Variants in EPHA3 observed in about 807,000 individuals in gnomAD.
The protein encoded by EPHA3 is ephrin type-A receptor 3.
Under a neutral mutation model 107.1 loss-of-function variants are expected in EPHA3, and 42 were observed. The observed-to-expected ratio is 0.39, with a 90% CI of 0.31 to 0.51. EPHA3 has a LOEUF of 0.51. Among genes scored for constraint, EPHA3 ranks in the 20% least tolerant of loss-of-function variants. The pLI, the probability that EPHA3 is intolerant of heterozygous loss-of-function variation, is 0.78. For synonymous variants in EPHA3, 461 were observed against 424.8 expected (o/e 1.09, Z -1.05); for missense variants, 1,183 against 1,211.2 (o/e 0.98, Z 0.35).
intron 3 of EPHA3, among the ~76,000 whole-genome samples, chr3:89,220,280 C>T (rs1279947143): frequency 1.3e-5 from 2 of 152,168 alleles, no homozygotes; most frequent in Non-Finnish European, 2.9e-5. Context: ...TGTGATTGTG[C>T]TTCAGGACAC....
At chr3:89,304,147 A>G (rs1706555866) in intron 3 of EPHA3, among the ~76,000 whole-genome samples, 1 of 151,694 alleles carries the variant, frequency 6.6e-6, no homozygotes, top group Admixed American at 6.6e-5. Context: ...GAATCTTTGG[A>G]ACCAACTGTG....
At chr3:89,186,681 C>A (rs1431585558) in intron 2 of EPHA3, among the ~76,000 whole-genome samples, 1 of 152,084 alleles carries the variant, frequency 6.6e-6, no homozygotes, top group East Asian at 1.9e-4. Flanking sequence ...TTGAATACAG[C>A]CAGCTGGTGC....
At chr3:89,436,820 C>A (rs534257863) in intron 13 of EPHA3, among the ~76,000 whole-genome samples, 157 of 152,096 alleles carry the variant, frequency 1.0e-3, no homozygotes, top group Non-Finnish European at 1.9e-3. Flanking sequence ...CGACAGCATG[C>A]CGGATATGAA....
At chr3:89,285,018 CAG>C (rs1242813378) in intron 3 of EPHA3, among the ~76,000 whole-genome samples, 1 of 151,980 alleles carries the variant, frequency 6.6e-6, no homozygotes, top group Non-Finnish European at 1.5e-5. Flanking sequence ...CCTGGCTACT[CAG>C]GGGCTGAGGC....
rs1191920853 is a variant in EPHA3, at chr3:89,219,688, GTTTTTTTTTTTTTTGTTTTT to G, written c.814+9170_814+9189del. 5.8e-5 allele frequency among the ~76,000 whole-genome samples: 2 copies of G among 34,440 alleles called. 1 individual carries two copies. The highest frequency in any genetic ancestry group is 1.0e-4 in the Non-Finnish European group (2 of 19,128). The allele number at this position is 34,440 out of a possible 152,430, so 22.6% of individuals were successfully genotyped here. ...TTACCTCCAAGAGGCATTTGGCAAT[GTTTTTTTTTTTTTTGTTTTT>G]TGTTTTTTTTTTTTTTTTGAGACGG... On this transcript the variant is annotated intron_variant, in intron 3 of 16. Transcript: ENST00000336596.
At chr3:89,116,361 T>A (rs1465861152) in intron 1 of EPHA3, among the ~76,000 whole-genome samples, 1 of 152,122 alleles carries the variant, frequency 6.6e-6, no homozygotes, top group African/African-American at 2.4e-5. Flanking sequence ...AAATAGAACA[T>A]GGTCCAAAAA....
At chr3:89,189,926 A>G (rs1172630616) in intron 2 of EPHA3, among the ~76,000 whole-genome samples, 2 of 152,158 alleles carry the variant, frequency 1.3e-5, no homozygotes, top group African/African-American at 4.8e-5. Context: ...AATACTGGAA[A>G]ACAAATTTTA....
intron 3 of EPHA3, among the ~76,000 whole-genome samples, chr3:89,253,542 T>C (rs1309022716): frequency 6.6e-6 from 1 of 152,192 alleles, no homozygotes; most frequent in Non-Finnish European, 1.5e-5. Flanking sequence ...TATATGCATA[T>C]ATTTATTAGA....
chr3:89,477,384 G>C (rs537597590), intron 16 of EPHA3, among the ~76,000 whole-genome samples: 3 of 152,152 alleles, frequency 2.0e-5, no homozygotes, highest in African/African-American at 7.2e-5. Context: ...AGGTCATCAG[G>C]AACCTTCTCA....
At chr3:89,335,908 T>C (rs1017956194) in intron 3 of EPHA3, among the ~76,000 whole-genome samples, 3 of 152,218 alleles carry the variant, frequency 2.0e-5, no homozygotes, top group Admixed American at 1.3e-4. Context: ...TAAATCAGAA[T>C]TGTGTCATTT....
At chr3:89,138,367 T>G (rs992720624) in intron 2 of EPHA3, among the ~76,000 whole-genome samples, 4 of 151,908 alleles carry the variant, frequency 2.6e-5, no homozygotes, top group African/African-American at 9.7e-5. Flanking sequence ...GTACAGTATT[T>G]ATATATCTGG....
intron 3 of EPHA3, among the ~76,000 whole-genome samples, chr3:89,310,149 T>C (rs1706729242): frequency 1.3e-5 from 2 of 152,242 alleles, no homozygotes; most frequent in South Asian, 4.1e-4. Flanking sequence ...AGCTGGTACC[T>C]GTATAGCCCT....
At chr3:89,123,231 G>A (rs1202313944) in intron 1 of EPHA3, among the ~76,000 whole-genome samples, 2 of 152,104 alleles carry the variant, frequency 1.3e-5, no homozygotes, top group Non-Finnish European at 2.9e-5. Flanking sequence ...TGCAACCTGC[G>A]CCTCCGGGTT....
chr3:89,395,809 A>T, intron 5 of EPHA3, 28 bp from the exon 6 acceptor site: 1 of 1,611,580 alleles, frequency 6.2e-7, no homozygotes, highest in Non-Finnish European at 8.5e-7. Context: ...GCTTCCTTCC[A>T]CCTTCCCCTC....
At chr3:89,269,889 A>G (rs933110690) in intron 3 of EPHA3, among the ~76,000 whole-genome samples, 59 of 151,690 alleles carry the variant, frequency 3.9e-4, no homozygotes, top group African/African-American at 1.3e-3. Context: ...TCTGAGAACT[A>G]CTAGTTCAGA....
chr3:89,427,032 G>A (rs1709470805), intron 11 of EPHA3, among the ~76,000 whole-genome samples: 1 of 151,592 alleles, frequency 6.6e-6, no homozygotes, highest in Non-Finnish European at 1.5e-5. Flanking sequence ...AAGTTTAGTT[G>A]GAATTTTGAT....
chr3:89,191,308 ATTTTTTT>A (rs1705711331), intron 2 of EPHA3, among the ~76,000 whole-genome samples: 1 of 150,436 alleles, frequency 6.6e-6, no homozygotes, highest in East Asian at 1.9e-4. Flanking sequence ...AATTTTTTTT[ATTTTTTT>A]ATTTTTTTTG....
At chr3:89,342,337 AT>A (rs1433939463) in intron 5 of EPHA3, among the ~76,000 whole-genome samples, 1 of 152,118 alleles carries the variant, frequency 6.6e-6, no homozygotes, top group East Asian at 1.9e-4. Context: ...ATCCTTAAAT[AT>A]TTGAGGCTCT....
intron 15 of EPHA3, among the ~76,000 whole-genome samples, chr3:89,467,096 T>C (rs2107570163): frequency 1.3e-5 from 2 of 152,288 alleles, no homozygotes; most frequent in African/African-American, 4.8e-5. Context: ...CATTTTATCG[T>C]ATCTGGATTT....
Sources: allele counts gnomAD v4.1 joint callset (sites outside exome capture counted in the v4.1 genomes callset), GRCh38; gene constraint gnomAD v4.1.1; transcripts MANE v1.5; gene names NCBI Gene and HGNC (gene_info 2026-07-23, HGNC 2026-07-21).